The following DCC variants were observed in gnomAD, a reference collection of about 807,000 sequenced individuals.
DCC encodes netrin receptor DCC.
A neutral mutation model predicts 172.5 loss-of-function variants in DCC; 58 were observed. The ratio of observed to expected loss-of-function variants is 0.34; its 90% confidence interval spans 0.27 to 0.42. The LOEUF (loss-of-function observed/expected upper bound fraction) is 0.42. Among genes scored for constraint, DCC ranks in the 10% least tolerant of loss-of-function variants. The probability of loss-of-function intolerance (pLI) is 1.00; values close to 1 mark genes in which losing one functional copy is unlikely to be tolerated. For synonymous variants in DCC, 709 were observed against 644.5 expected, an observed-to-expected ratio of 1.10 and a Z score of -1.52; for missense variants, 1,740 against 1,791.0, an observed-to-expected ratio of 0.97 and a Z score of 0.51.
intron 22 of DCC, among the ~76,000 whole-genome samples, chr18:53,447,989 G>A (rs1029925451): frequency 1.3e-5 from 2 of 148,162 alleles, no homozygotes; most frequent in Non-Finnish European, 3.0e-5. Flanking sequence ...ACTTATAGTA[G>A]AAGTACTTCT....
chr18:52,487,320 A>G (rs532956396), intron 1 of DCC, among the ~76,000 whole-genome samples: 2 of 152,244 alleles, frequency 1.3e-5, no homozygotes, highest in African/African-American at 4.8e-5. Flanking sequence ...TTAAGCAATG[A>G]GTTAGGAGGC....
chr18:52,817,219 C>T (rs1194207830), intron 2 of DCC, among the ~76,000 whole-genome samples: 2 of 151,892 alleles, frequency 1.3e-5, no homozygotes, highest in Admixed American at 6.5e-5. Context: ...TTTACTATTC[C>T]ATTGATCAGG....
intron 15 of DCC, among the ~76,000 whole-genome samples, chr18:53,361,361 C>T (rs1202129645): frequency 6.6e-6 from 1 of 152,096 alleles, no homozygotes; most frequent in East Asian, 1.9e-4. Flanking sequence ...CCCCAATCTC[C>T]TAAACATTGT....
chr18:52,781,144 G>A (rs1037020428), intron 2 of DCC, among the ~76,000 whole-genome samples: 2 of 152,116 alleles, frequency 1.3e-5, no homozygotes, highest in Non-Finnish European at 1.5e-5. Flanking sequence ...CTGATCTAAT[G>A]ATAATAGGTT....
chr18:53,294,990 A>T (rs1598992959), intron 12 of DCC, among the ~76,000 whole-genome samples: 1 of 152,032 alleles, frequency 6.6e-6, no homozygotes, highest in African/African-American at 2.4e-5. Flanking sequence ...CTTAGCCTTT[A>T]TTTTTTTTAA....
chr18:52,569,438 T>C (rs1039999584), intron 1 of DCC, among the ~76,000 whole-genome samples: 1 of 152,188 alleles, frequency 6.6e-6, no homozygotes, highest in East Asian at 1.9e-4. Context: ...ATCTTAGCTA[T>C]CTTTATTGCT....
intron 1 of DCC, among the ~76,000 whole-genome samples, chr18:52,533,607 A>G (rs1253739999): frequency 6.6e-6 from 1 of 152,118 alleles, no homozygotes; most frequent in African/African-American, 2.4e-5. Context: ...ACAGTCTGTG[A>G]CAAATACCAC....
At chr18:52,964,349 A>C (rs948897956) in intron 5 of DCC, among the ~76,000 whole-genome samples, 1 of 152,190 alleles carries the variant, frequency 6.6e-6, no homozygotes, top group African/African-American at 2.4e-5. Flanking sequence ...CAAATTGTCC[A>C]TTATTTGTTA....
intron 26 of DCC, among the ~76,000 whole-genome samples, chr18:53,495,161 G>A (rs190507344): frequency 2.0e-5 from 3 of 152,282 alleles, no homozygotes; most frequent in African/African-American, 7.2e-5. Flanking sequence ...GGAGGCCAAG[G>A]CTGGTGGAGC....
At chr18:52,905,558 C>T (rs1035524220) in intron 2 of DCC, among the ~76,000 whole-genome samples, 1 of 152,172 alleles carries the variant, frequency 6.6e-6, no homozygotes, top group South Asian at 2.1e-4. Flanking sequence ...TTTCTTGAAG[C>T]TGCTCTAGGT....
intron 2 of DCC, among the ~76,000 whole-genome samples, chr18:52,820,349 C>CATTT (rs528472772): frequency 1.3e-4 from 20 of 152,210 alleles, no homozygotes; most frequent in South Asian, 6.2e-4. Context: ...TACATGCATG[C>CATTT]ATTTATAAAA....
intron 12 of DCC, among the ~76,000 whole-genome samples, chr18:53,262,028 A>G (rs979257572): frequency 1.3e-5 from 2 of 152,220 alleles, no homozygotes; most frequent in Non-Finnish European, 2.9e-5. Flanking sequence ...GGAACAATTG[A>G]AGCACAATAA....
chr18:52,569,325 C>T (rs930159903), intron 1 of DCC, among the ~76,000 whole-genome samples: 2 of 152,228 alleles, frequency 1.3e-5, no homozygotes, highest in South Asian at 4.1e-4. Flanking sequence ...TCCTCCATTT[C>T]TTCCCTTATA....
chr18:52,841,234 A>G (rs1351616076), intron 2 of DCC, among the ~76,000 whole-genome samples: 1 of 151,446 alleles, frequency 6.6e-6, no homozygotes, highest in Non-Finnish European at 1.5e-5. Flanking sequence ...TCATGGTTTG[A>G]TTTTCTTCTA....
chr18:53,434,156 A>C (rs1286243595), intron 21 of DCC, among the ~76,000 whole-genome samples: 1 of 152,194 alleles, frequency 6.6e-6, no homozygotes, highest in Non-Finnish European at 1.5e-5. Flanking sequence ...AAATGTGAGA[A>C]AACAACCTAT....
intron 1 of DCC, among the ~76,000 whole-genome samples, chr18:52,494,356 G>A (rs974047380): frequency 4.6e-5 from 7 of 150,906 alleles, no homozygotes; most frequent in African/African-American, 7.3e-5. Context: ...TTAGATTCTC[G>A]GATGTGAGAG....
intron 5 of DCC, among the ~76,000 whole-genome samples, chr18:52,979,042 G>T (rs2041165999): frequency 6.6e-6 from 1 of 152,086 alleles, no homozygotes; most frequent in African/African-American, 2.4e-5. Flanking sequence ...CTTTTTGATA[G>T]GACTTTTGGA....
At chr18:52,894,969 C>T (rs986395856) in intron 2 of DCC, among the ~76,000 whole-genome samples, 27 of 152,064 alleles carry the variant, frequency 1.8e-4, no homozygotes, top group African/African-American at 9.7e-5. Flanking sequence ...CAAGGTGACA[C>T]GTAGAATTAG....
intron 5 of DCC, among the ~76,000 whole-genome samples, chr18:53,053,971 T>C (rs1436605420): frequency 6.6e-6 from 1 of 152,116 alleles, no homozygotes; most frequent in Non-Finnish European, 1.5e-5. Flanking sequence ...ATATATTTTA[T>C]ATAGAAGAAG....
Sources: allele counts gnomAD v4.1 joint callset (sites outside exome capture counted in the v4.1 genomes callset), GRCh38; gene constraint gnomAD v4.1.1; transcripts MANE v1.5; gene names NCBI Gene and HGNC (gene_info 2026-07-23, HGNC 2026-07-21).